KIF6: variants seen among roughly 807,000 people sequenced by gnomAD.
KIF6 encodes kinesin-like protein KIF6.
In KIF6, 106 loss-of-function variants were observed where a neutral mutation model predicts 112.7. That is an observed-to-expected ratio of 0.94 (90% CI 0.80 to 1.11). The LOEUF (loss-of-function observed/expected upper bound fraction) is 1.11. KIF6 is among the 50% of genes least tolerant of loss of function. KIF6 has a pLI of 0.00. For synonymous variants in KIF6, 339 were observed against 339.9 expected (o/e 1.00, Z 0.03); for missense variants, 929 against 964.0 (o/e 0.96, Z 0.48).
At chr6:39,549,078 T>C (rs1779219636) in intron 10 of KIF6, among the ~76,000 whole-genome samples, 1 of 152,186 alleles carries the variant, frequency 6.6e-6, no homozygotes, top group East Asian at 1.9e-4. Context: ...ATGAAATACC[T>C]CTGACAGCCT....
intron 3 of KIF6, among the ~76,000 whole-genome samples, chr6:39,658,555 T>C (rs1367177839): frequency 6.6e-6 from 1 of 152,184 alleles, no homozygotes; most frequent in Non-Finnish European, 1.5e-5. Flanking sequence ...CAGATTCTCA[T>C]TATATATAAA....
At chr6:39,598,583 G>GTGTGTT (rs1346647147) in intron 6 of KIF6, among the ~76,000 whole-genome samples, 1 of 151,554 alleles carries the variant, frequency 6.6e-6, no homozygotes, top group Non-Finnish European at 1.5e-5. Context: ...ATATATGTGT[G>GTGTGTT]TGTGTGTGTG....
intron 15 of KIF6, among the ~76,000 whole-genome samples, chr6:39,399,121 G>A (rs936424538): frequency 6.6e-6 from 1 of 152,194 alleles, no homozygotes; most frequent in Non-Finnish European, 1.5e-5. Context: ...GAACTTGCCA[G>A]CCCCTACAAT....
In KIF6 at chr6:39,483,086, A is replaced by G. The variant is rs192685114; in HGVS notation, c.1646-51925T>C. Among the ~76,000 whole-genome samples the G allele has an allele frequency of 2.0e-5, 3 of 152,348 alleles. No homozygotes were observed. The East Asian group carries it at 5.8e-4, about 29-fold the overall frequency. On this transcript the variant is annotated intron_variant, in intron 13 of 22. Coordinates refer to ENST00000287152, the MANE Select transcript of KIF6 (RefSeq NM_145027.6). ...ACTTTCATTTCAGTAAAGAGTTTTT[A>G]TCTTTCATTCCTTCCCTTCTCTCTG...
intron 3 of KIF6, among the ~76,000 whole-genome samples, chr6:39,649,404 T>G (rs747993919): frequency 6.6e-6 from 1 of 152,202 alleles, no homozygotes; most frequent in South Asian, 2.1e-4. Context: ...AAAATTGTTT[T>G]GTGTGAGAAA....
chr6:39,357,411 G>T, intron 18 of KIF6, 37 bp from the exon 19 acceptor site: 4 of 1,148,842 alleles, frequency 3.5e-6, no homozygotes, highest in Non-Finnish European at 5.2e-6. Flanking sequence ...GTGTTAGCTT[G>T]AATCTAATGA....
chr6:39,410,271 T>C (rs904278506), intron 15 of KIF6, among the ~76,000 whole-genome samples: 1 of 152,378 alleles, frequency 6.6e-6, no homozygotes, highest in African/African-American at 2.4e-5. Context: ...TGTACATTAC[T>C]ACTACGATGA....
intron 5 of KIF6, among the ~76,000 whole-genome samples, chr6:39,632,228 G>A (rs571528623): frequency 7.9e-5 from 12 of 152,152 alleles, no homozygotes; most frequent in Middle Eastern, 3.4e-3. Context: ...AGAGCGTCTC[G>A]CAGGTGATAT....
chr6:39,446,971 A>G (rs1239324706), intron 13 of KIF6, among the ~76,000 whole-genome samples: 1 of 152,252 alleles, frequency 6.6e-6, no homozygotes, highest in Admixed American at 6.5e-5. Context: ...GTGAAAGTGT[A>G]AAAATGTTAT....
chr6:39,710,137 C>T (rs1789452413), intron 3 of KIF6, among the ~76,000 whole-genome samples: 1 of 152,126 alleles, frequency 6.6e-6, no homozygotes, highest in Non-Finnish European at 1.5e-5. Context: ...TGTGAATCTG[C>T]CCCCAACTGT....
At chr6:39,344,300 CTG>C (rs1763545582) in intron 21 of KIF6, among the ~76,000 whole-genome samples, 1 of 152,170 alleles carries the variant, frequency 6.6e-6, no homozygotes, top group Non-Finnish European at 1.5e-5. Flanking sequence ...GTGACATGAA[CTG>C]TGAGTCCATT....
At chr6:39,460,470 C>G (rs1773395416) in intron 13 of KIF6, among the ~76,000 whole-genome samples, 1 of 113,880 alleles carries the variant, frequency 8.8e-6, no homozygotes, top group Non-Finnish European at 1.7e-5. Context: ...CACATGTATA[C>G]ATATGTAACT....
chr6:39,596,673 C>T (rs1489868544), intron 6 of KIF6, among the ~76,000 whole-genome samples: 4 of 152,082 alleles, frequency 2.6e-5, no homozygotes, highest in Non-Finnish European at 4.4e-5. Context: ...AAGCCACAGA[C>T]AAAGAAACCT....
intron 13 of KIF6, among the ~76,000 whole-genome samples, chr6:39,453,178 T>C (rs9380865): frequency 0.054 from 8,199 of 152,290 alleles, 430 homozygotes; most frequent in East Asian, 0.25. Flanking sequence ...GTTTCATTAA[T>C]GGTCTTTGGC....
At chr6:39,358,335 G>A (rs1015080278) in intron 18 of KIF6, among the ~76,000 whole-genome samples, 7 of 152,176 alleles carry the variant, frequency 4.6e-5, no homozygotes, top group African/African-American at 1.7e-4. Flanking sequence ...GCCCACTGAG[G>A]GTACAGCTGC....
rs1207504978 is a variant in KIF6 at position 39,343,498 on chromosome 6, C to T, written c.2428+211G>A. The T allele has an allele frequency of 9.4e-6, 14 of 1,496,350 alleles. No homozygotes were observed. The highest frequency in any genetic ancestry group is 1.2e-5 in the Non-Finnish European group (14 of 1,121,598). 92.7% of individuals were successfully genotyped at this position (1,496,350 alleles called of 1,614,324 possible). On this transcript the variant is annotated intron_variant, in intron 22 of 22. Transcript: ENST00000287152. This position sits in a 1 kb window ranked among gnomAD's most constrained non-coding sequence, Gnocchi z 4.1. ...CAGGAGCACCTGGGCCGCCCACCCA[C>T]TTGGGCCTGTCTTGGTGTTTCTGAT...
rs147139435 is a variant in KIF6 at position 39,544,213 on chromosome 6, A to T, written c.1426+342T>A. Among the ~76,000 whole-genome samples, 828 of 152,306 alleles carry T rather than the reference A, an allele frequency of 5.4e-3. 5 individuals are homozygous for T. The highest frequency in any genetic ancestry group is 9.4e-3 in the Non-Finnish European group (641 of 68,022). On this transcript the variant is annotated intron_variant, in intron 12 of 22. Coordinates refer to ENST00000287152, the MANE Select transcript of KIF6 (RefSeq NM_145027.6). ...AGATAACCAGCTAACTTACTGGCTC[A>T]GGGCTAACACAAAGAGAACACAACA...
intron 3 of KIF6, among the ~76,000 whole-genome samples, chr6:39,641,954 C>T (rs1364899200): frequency 2.0e-5 from 3 of 152,106 alleles, no homozygotes; most frequent in African/African-American, 7.2e-5. Flanking sequence ...CCTATATATA[C>T]TCCCATGGCT....
chr6:39,579,736 G>T (rs1781186358), intron 9 of KIF6, among the ~76,000 whole-genome samples: 1 of 151,780 alleles, frequency 6.6e-6, no homozygotes, highest in Non-Finnish European at 1.5e-5. Context: ...CTTTGTATAA[G>T]GTATGAAATA....
Sources: gnomAD v4.1 joint callset for allele counts (sites outside exome capture counted in the v4.1 genomes callset) on GRCh38, gnomAD v4.1.1 for gene constraint, Gnocchi (gnomAD v3.1) non-coding constraint, MANE v1.5 for transcripts, NCBI Gene and HGNC (gene_info 2026-07-23, HGNC 2026-07-21) for gene names.